The following PIK3R5 variants were observed in gnomAD, a reference collection of about 807,000 sequenced individuals.
PIK3R5 encodes phosphoinositide 3-kinase regulatory subunit 5.
In PIK3R5, 32 loss-of-function variants were observed where a neutral mutation model predicts 94.9. That is an observed-to-expected ratio of 0.34 (90% confidence interval 0.25 to 0.45). The LOEUF is 0.45. Among genes scored for constraint, PIK3R5 ranks in the 20% least tolerant of loss-of-function variants. The pLI is 1.00. For synonymous variants in PIK3R5, 443 were observed against 479.4 expected (o/e 0.92, Z 0.99); for missense variants, 853 against 1,144.6 (o/e 0.75, Z 3.68).
intron 3 of PIK3R5, among the ~76,000 whole-genome samples, chr17:8,908,694 A>G (rs2090452545): frequency 6.6e-6 from 1 of 152,054 alleles, no homozygotes; most frequent in Admixed American, 6.5e-5. Flanking sequence ...GAAGCCATTG[A>G]CTGAACTAAG....
chr17:8,905,934 A>G (rs905715942), intron 3 of PIK3R5, among the ~76,000 whole-genome samples, 197 bp from the exon 4 acceptor site: 3 of 150,432 alleles, frequency 2.0e-5, no homozygotes, highest in African/African-American at 7.4e-5. Context: ...AAACCCAACC[A>G]CAGCTGTTTC....
In PIK3R5 at chr17:8,881,950, GCC is replaced by G; in HGVS notation, c.2206-71_2206-70del. 1 of 1,209,550 alleles carries G rather than the reference GCC, an allele frequency of 8.3e-7. No individual in the cohort carries two copies. Among genetic ancestry groups the G allele is most frequent in the Non-Finnish European group, 1.2e-6 (1 of 829,718 alleles). The allele number at this position is 1,209,550 out of a possible 1,614,324, so 74.9% of individuals were successfully genotyped here. A position where few individuals can be genotyped will look rare whatever the true frequency, so the allele number is the denominator to read the frequency against. ...GGTGCCTGCTGCCTTCTCTTTGAAG[GCC>G]CATCAGTGACAGGGGGTTGCCTCTA... On this transcript the variant is annotated intron_variant, in intron 15 of 18. Transcript: ENST00000447110. This position sits in a 1 kb window ranked among gnomAD's most constrained non-coding sequence, Gnocchi z 4.8.
intron 5 of PIK3R5, among the ~76,000 whole-genome samples, chr17:8,901,223 C>A (rs1345027529): frequency 3.3e-5 from 5 of 152,172 alleles, no homozygotes; most frequent in Non-Finnish European, 5.9e-5. Context: ...CCTTGGGAAG[C>A]TGGGTTGGCA....
rs1223489001 is a variant in PIK3R5 at position 8,925,904 on chromosome 17, T to G, written c.-13-14397A>C. The stretch of plus-strand genomic sequence containing the variant: ...AGAGTCCTGCTTTGTCCGAGTTCTA[T>G]CCCCTTCAGACCCCAATGGAGAGGT... On this transcript the variant is annotated intron_variant, in intron 1 of 18. Coordinates refer to ENST00000447110, the MANE Select transcript of PIK3R5 (RefSeq NM_001142633.3). This position sits in a 1 kb window ranked among gnomAD's most constrained non-coding sequence, Gnocchi z 5.1. Among the ~76,000 whole-genome samples, 1 of 152,232 alleles carries G rather than the reference T, an allele frequency of 6.6e-6. No individual in the cohort carries two copies. The highest frequency in any genetic ancestry group is 2.4e-5 in the African/African-American group (1 of 41,460).
chr17:8,884,420 C>T lies in PIK3R5; in HGVS notation c.2205+287G>A, dbSNP rs1017812201. ...GGCTTCCCTTTCCCCCTTTCAGCCC[C>T]AGCCCTGTAGCCAGGCCCAGCAGAC... On this transcript the variant is annotated intron_variant, in intron 15 of 18. Coordinates refer to ENST00000447110, the MANE Select transcript of PIK3R5 (RefSeq NM_001142633.3). This position sits in a 1 kb window ranked among gnomAD's most constrained non-coding sequence, Gnocchi z 5.8. 3.3e-5 allele frequency among the ~76,000 whole-genome samples: 5 copies of T among 152,116 alleles called. No individual in the cohort carries two copies. The highest frequency in any genetic ancestry group is 1.2e-4 in the African/African-American group (5 of 41,406).
At chr17:8,944,103 T>C (rs1409219076) in intron 1 of PIK3R5, among the ~76,000 whole-genome samples, 3 of 152,198 alleles carry the variant, frequency 2.0e-5, no homozygotes, top group Non-Finnish European at 4.4e-5. Flanking sequence ...CCATGAGTTC[T>C]CATCATTTAG....
intron 1 of PIK3R5, among the ~76,000 whole-genome samples, chr17:8,944,845 A>G (rs2091246959): frequency 6.6e-6 from 1 of 152,036 alleles, no homozygotes; most frequent in Admixed American, 6.5e-5. Context: ...ACAGGTAACT[A>G]TATCCAGGGA....
chr17:8,893,547 TC>T lies in PIK3R5; in HGVS notation c.482+38del. 1 of 1,542,378 alleles carries T rather than the reference TC, an allele frequency of 6.5e-7. No homozygotes were observed. The highest frequency in any genetic ancestry group is 9.0e-7 in the Non-Finnish European group (1 of 1,115,144). On this transcript the variant is annotated intron_variant, in intron 6 of 18. Transcript: ENST00000447110. This position sits in a 1 kb window ranked among gnomAD's most constrained non-coding sequence, Gnocchi z 5.1. ...GTGGAACAGTGCAGGGGTCCCAAAC[TC>T]CCTCCCCACTGTTTCTCCGTCCCCC...
Position 8,941,487 on chromosome 17 carries a change from T to TCAAAAA in PIK3R5, c.-14+24103_-14+24108dup, listed in dbSNP as rs567425211. Among the ~76,000 whole-genome samples the TCAAAAA allele has an allele frequency of 3.8e-3, 571 of 152,260 alleles. 1 individual carries two copies. Among genetic ancestry groups the TCAAAAA allele is most frequent in the African/African-American group, 0.012 (517 of 41,546 alleles). ...TGATTCTGAGACAGATGAAAGGAGT[T>TCAAAAA]CAAAAACAAAAACAAAAAAGTCAAA... is the stretch of plus-strand genomic sequence containing the variant. On this transcript the variant is annotated intron_variant, in intron 1 of 18. Coordinates refer to ENST00000447110, the MANE Select transcript of PIK3R5 (RefSeq NM_001142633.3).
At chr17:8,918,114 A>G (rs1182316810) in intron 1 of PIK3R5, among the ~76,000 whole-genome samples, 1 of 152,240 alleles carries the variant, frequency 6.6e-6, no homozygotes, top group Non-Finnish European at 1.5e-5. Flanking sequence ...TGCTTGGATT[A>G]ATACACATAC....
chr17:8,908,361 G>A (rs726679), intron 3 of PIK3R5, among the ~76,000 whole-genome samples: 80,687 of 151,694 alleles, frequency 0.53, 22,010 homozygotes, highest in African/African-American at 0.62. Context: ...TATGTTATGC[G>A]CTCCAGAGGT....
At position 8,896,157 on chromosome 17, in the gene PIK3R5, T is replaced by C. The variant is rs572168209; in HGVS notation, c.413-2502A>G. On this transcript the variant is annotated intron_variant, in intron 5 of 18. Transcript: ENST00000447110. The surrounding 1 kb of genome is among the most constrained non-coding windows in gnomAD (Gnocchi z 4.0). ...GTACTGCCGAGTCCCCATTTGCTGG[T>C]ATGTGCTGTGAGGTTGGAAATATCT... 6.6e-6 allele frequency among the ~76,000 whole-genome samples: 1 copy of C among 152,316 alleles called. No individual in the cohort carries two copies. Among genetic ancestry groups the C allele is most frequent in the Non-Finnish European group, 1.5e-5 (1 of 68,030 alleles).
At position 8,889,601 on chromosome 17, in the gene PIK3R5, A is replaced by G. The variant is rs1387678650; in HGVS notation, c.811+372T>C. Among the ~76,000 whole-genome samples the G allele has an allele frequency of 6.6e-6, 1 of 152,214 alleles. No individual in the cohort carries two copies. The highest frequency in any genetic ancestry group is 1.5e-5 in the Non-Finnish European group (1 of 68,036). On this transcript the variant is annotated intron_variant, in intron 8 of 18. Transcript: ENST00000447110. The surrounding 1 kb of genome is among the most constrained non-coding windows in gnomAD (Gnocchi z 4.1). ...TGCTCCCTTCTATGGTACTGGAGTC[A>G]TAGAGACGATGTTTCCCAGGCTCCT...
Position 8,889,925 on chromosome 17 carries a change from A to C in PIK3R5, c.811+48T>G. The C allele has an allele frequency of 1.2e-6, 2 of 1,605,640 alleles. No individual in the cohort carries two copies. Among genetic ancestry groups the C allele is most frequent in the Non-Finnish European group, 1.7e-6 (2 of 1,173,990 alleles). On this transcript the variant is annotated intron_variant, in intron 8 of 18. Coordinates refer to ENST00000447110, the MANE Select transcript of PIK3R5 (RefSeq NM_001142633.3). The surrounding 1 kb of genome is among the most constrained non-coding windows in gnomAD (Gnocchi z 4.1). The stretch of plus-strand genomic sequence containing the variant: ...TGGACCGTGCACCTTGGGACCTAGA[A>C]TAGGCCATGGGGAATGTGGGAGAAC...
Position 8,889,072 on chromosome 17 carries a change from A to G in PIK3R5, c.895+67T>C. 1 of 1,548,090 alleles carries G rather than the reference A, an allele frequency of 6.5e-7. No individual in the cohort carries two copies. Among genetic ancestry groups the G allele is most frequent in the Non-Finnish European group, 8.8e-7 (1 of 1,136,082 alleles). Reference sequence around the variant, plus strand: ...TGGGGACGGGGTGGGAGCTGCATGGACCCAGGACCAGAAACACAGCTCAGG... The same window carrying G: ...TGGGGACGGGGTGGGAGCTGCATGGGCCCAGGACCAGAAACACAGCTCAGG... On this transcript the variant is annotated intron_variant, in intron 9 of 18. Transcript: ENST00000447110. The surrounding 1 kb of genome is among the most constrained non-coding windows in gnomAD (Gnocchi z 4.1).
intron 1 of PIK3R5, among the ~76,000 whole-genome samples, chr17:8,943,292 G>T (rs1002938708): frequency 6.6e-6 from 1 of 151,896 alleles, no homozygotes; most frequent in Non-Finnish European, 1.5e-5. Flanking sequence ...GTCTCAATAC[G>T]TTGTCCAGGC....
rs1452584130 is a variant in PIK3R5 at position 8,884,357 on chromosome 17, C to T, written c.2205+350G>A. 6.6e-6 allele frequency among the ~76,000 whole-genome samples: 1 copy of T among 152,114 alleles called. No homozygotes were observed. The highest frequency in any genetic ancestry group is 2.1e-4 in the South Asian group (1 of 4,820). ...ATGCAGCCTGCCAGGCACACTGGCC[C>T]CCCGAGACCCTGGCTTCTCCCTGAG... On this transcript the variant is annotated intron_variant, in intron 15 of 18. Coordinates refer to ENST00000447110, the MANE Select transcript of PIK3R5 (RefSeq NM_001142633.3). The surrounding 1 kb of genome is among the most constrained non-coding windows in gnomAD (Gnocchi z 5.8).
intron 1 of PIK3R5, among the ~76,000 whole-genome samples, chr17:8,958,746 T>G (rs927017431): frequency 3.3e-5 from 5 of 151,890 alleles, no homozygotes; most frequent in African/African-American, 1.2e-4. Context: ...AGACACCTTT[T>G]TTTTTCTCTC....
intron 1 of PIK3R5, among the ~76,000 whole-genome samples, chr17:8,918,283 G>A (rs941998976): frequency 2.0e-5 from 3 of 152,102 alleles, no homozygotes; most frequent in African/African-American, 2.4e-5. Context: ...GATTGAAACA[G>A]GAAATATACA....
Sources: allele counts gnomAD v4.1 joint callset (sites outside exome capture counted in the v4.1 genomes callset), GRCh38; gene constraint gnomAD v4.1.1; non-coding constraint Gnocchi (gnomAD v3.1); transcripts MANE v1.5; gene names NCBI Gene and HGNC (gene_info 2026-07-23, HGNC 2026-07-21).